The following ST8SIA4 variants were observed in gnomAD, a reference collection of about 807,000 sequenced individuals.
ST8SIA4 encodes ST8 alpha-N-acetyl-neuraminide alpha-2,8-sialyltransferase 4, also known as CMP-N-acetylneuraminate-poly-alpha-2,8-sialyltransferase.
In ST8SIA4, 15 loss-of-function variants were observed where a neutral mutation model predicts 33.9. That is an observed-to-expected ratio of 0.44 (90% CI 0.30 to 0.68). ST8SIA4 has a LOEUF of 0.68. Ranked by LOEUF, ST8SIA4 falls within the 30% of genes least tolerant of loss-of-function variation. ST8SIA4 has a pLI of 0.10. For missense variants in ST8SIA4, 321 were observed against 428.0 expected, an observed-to-expected ratio of 0.75 and a Z score of 2.21; for synonymous variants, 171 against 151.2, an observed-to-expected ratio of 1.13 and a Z score of -0.96.
intron 1 of ST8SIA4, among the ~76,000 whole-genome samples, chr5:100,899,910 G>A (rs1462160424): frequency 6.6e-6 from 1 of 152,118 alleles, no homozygotes; most frequent in East Asian, 1.9e-4. Flanking sequence ...TTTTATGGAA[G>A]GAAATATGAA....
At position 100,815,117 on chromosome 5, in the gene ST8SIA4, A is replaced by G. The variant is rs150357659; in HGVS notation, c.798-2988T>C. ...GGTTTAAAATTTAGCAAAATTTTAC[A>G]TTCAAACAATAATTTAGTTTATATA... is the stretch of plus-strand genomic sequence containing the variant. On this transcript the variant is annotated intron_variant, in intron 4 of 4. Transcript: ENST00000231461. 5.3e-3 allele frequency among the ~76,000 whole-genome samples: 802 copies of G among 152,114 alleles called. 6 individuals are homozygous for G. The highest frequency in any genetic ancestry group is 0.018 in the African/African-American group (754 of 41,520).
intron 4 of ST8SIA4, among the ~76,000 whole-genome samples, chr5:100,844,248 T>G (rs17780471): frequency 0.23 from 35,247 of 151,852 alleles, 5,134 homozygotes; most frequent in Non-Finnish European, 0.32. Context: ...GTATATAATG[T>G]GATTTGATTG....
intron 2 of ST8SIA4, among the ~76,000 whole-genome samples, chr5:100,892,796 A>G (rs1490102599): frequency 6.6e-6 from 1 of 152,064 alleles, no homozygotes; most frequent in African/African-American, 2.4e-5. Context: ...ATGAGAACAC[A>G]TGGACACAGG....
intron 3 of ST8SIA4, among the ~76,000 whole-genome samples, chr5:100,876,401 TA>T (rs1752306914): frequency 1.3e-5 from 2 of 152,236 alleles, no homozygotes; most frequent in South Asian, 4.1e-4. Flanking sequence ...CATCAATGCC[TA>T]ACCAAATTTG....
At chr5:100,870,075 G>A (rs1752164357) in intron 3 of ST8SIA4, among the ~76,000 whole-genome samples, 2 of 151,964 alleles carry the variant, frequency 1.3e-5, no homozygotes, top group Admixed American at 6.6e-5. Context: ...CAATTCCCAC[G>A]TATGAGTGAG....
At chr5:100,829,878 A>C (rs1306468990) in intron 4 of ST8SIA4, among the ~76,000 whole-genome samples, 7 of 151,238 alleles carry the variant, frequency 4.6e-5, no homozygotes, top group Non-Finnish European at 8.8e-5. Context: ...ACTGCACTCC[A>C]ACCTGGGCGA....
intron 4 of ST8SIA4, among the ~76,000 whole-genome samples, chr5:100,821,634 T>C (rs1751032343): frequency 7.4e-6 from 1 of 134,482 alleles, no homozygotes; most frequent in Non-Finnish European, 1.6e-5. Context: ...AAATGTGATC[T>C]ATATTCCATT....
intron 4 of ST8SIA4, among the ~76,000 whole-genome samples, chr5:100,842,839 A>G (rs1409455076): frequency 6.6e-6 from 1 of 151,898 alleles, no homozygotes; most frequent in African/African-American, 2.4e-5. Flanking sequence ...ATATATTAAT[A>G]GTGTAAAGTA....
intron 4 of ST8SIA4, among the ~76,000 whole-genome samples, chr5:100,835,040 G>A (rs956320997): frequency 2.6e-5 from 4 of 152,016 alleles, no homozygotes; most frequent in African/African-American, 9.7e-5. Context: ...CAAGGAACTA[G>A]GGCTGAGATG....
intron 4 of ST8SIA4, among the ~76,000 whole-genome samples, chr5:100,816,999 A>G (rs1262255495): frequency 3.3e-5 from 5 of 150,666 alleles, no homozygotes; most frequent in African/African-American, 1.2e-4. Flanking sequence ...CTGGAGTGCA[A>G]TGGCGCAATC....
At chr5:100,857,513 A>G (rs1324414497) in intron 3 of ST8SIA4, among the ~76,000 whole-genome samples, 1 of 151,892 alleles carries the variant, frequency 6.6e-6, no homozygotes, top group Non-Finnish European at 1.5e-5. Context: ...ATTCAATCAA[A>G]CCCTTCATGA....
At chr5:100,816,848 A>C (rs1263717249) in intron 4 of ST8SIA4, among the ~76,000 whole-genome samples, 1 of 151,954 alleles carries the variant, frequency 6.6e-6, no homozygotes, top group East Asian at 1.9e-4. Flanking sequence ...GCTGCATTCC[A>C]CTGGAAGTCT....
chr5:100,869,461 T>C (rs1353495767), intron 3 of ST8SIA4, among the ~76,000 whole-genome samples: 4 of 152,174 alleles, frequency 2.6e-5, no homozygotes, highest in Non-Finnish European at 5.9e-5. Flanking sequence ...CTAGGTGTTA[T>C]CATCTTACTT....
At chr5:100,895,501 T>G (rs138017496) in intron 2 of ST8SIA4, among the ~76,000 whole-genome samples, 153 bp downstream of exon 2, 11 of 152,242 alleles carry the variant, frequency 7.2e-5, no homozygotes, top group Admixed American at 2.0e-4. Flanking sequence ...GGTTTCATAT[T>G]CTTCAGTGAG....
At chr5:100,831,887 A>G (rs539297367) in intron 4 of ST8SIA4, among the ~76,000 whole-genome samples, 27 of 152,304 alleles carry the variant, frequency 1.8e-4, no homozygotes, top group South Asian at 4.1e-4. Flanking sequence ...GAAAGGTGAC[A>G]CAGGAATTGA....
chr5:100,830,014 GTCTT>G (rs1440165153), intron 4 of ST8SIA4, among the ~76,000 whole-genome samples: 2 of 151,978 alleles, frequency 1.3e-5, no homozygotes, highest in Admixed American at 1.3e-4. Flanking sequence ...AAAGAGATAA[GTCTT>G]TATTTATTAT....
chr5:100,808,569 C>G lies in ST8SIA4; in HGVS notation c.*3278G>C, dbSNP rs1472082404. On this transcript the variant is annotated 3_prime_UTR_variant, in exon 5 of 5. Transcript: ENST00000231461. ...ACAAGAATATTTCACAATCAGCTGCCTGAGCATTGCCAAGTACAGGGTTAA... is the reference window on the plus strand; with the variant it reads ...ACAAGAATATTTCACAATCAGCTGCGTGAGCATTGCCAAGTACAGGGTTAA... 1 of 152,502 alleles carries G rather than the reference C, an allele frequency of 6.6e-6. No homozygotes were observed. The highest frequency in any genetic ancestry group is 1.5e-5 in the Non-Finnish European group (1 of 68,038). The allele number at this position is 152,502 out of a possible 1,614,324, so 9.4% of individuals were successfully genotyped here. A position where few individuals can be genotyped will look rare whatever the true frequency, so the allele number is the denominator to read the frequency against.
At chr5:100,818,359 T>C (rs559516882) in intron 4 of ST8SIA4, among the ~76,000 whole-genome samples, 1 of 152,200 alleles carries the variant, frequency 6.6e-6, no homozygotes, top group African/African-American at 2.4e-5. Context: ...GTGTGAAGCT[T>C]TTTGGGAATT....
intron 3 of ST8SIA4, among the ~76,000 whole-genome samples, chr5:100,858,459 A>G (rs1007371405): frequency 4.6e-5 from 7 of 152,038 alleles, no homozygotes; most frequent in African/African-American, 1.7e-4. Flanking sequence ...AATAAAAATG[A>G]TATATTCTGC....
Sources: allele counts gnomAD v4.1 joint callset (sites outside exome capture counted in the v4.1 genomes callset), GRCh38; gene constraint gnomAD v4.1.1; transcripts MANE v1.5; gene names NCBI Gene and HGNC (gene_info 2026-07-23, HGNC 2026-07-21).